Variants in DMD observed in about 807,000 individuals in gnomAD.
DMD encodes the protein mutant dystrophin.
DMD carries 63 observed loss-of-function variants against 330.1 expected under a neutral mutation model. The ratio of observed to expected loss-of-function variants is 0.19; its 90% CI spans 0.16 to 0.24. DMD has a LOEUF of 0.24. Among genes scored for constraint, DMD ranks in the 10% least tolerant of loss-of-function variants. DMD has a pLI of 1.00. For synonymous variants in DMD, 1,223 were observed against 959.8 expected (o/e 1.27, Z -5.07); for missense variants, 3,344 against 2,684.1 (o/e 1.25, Z -5.43).
intron 43 of DMD, among the ~76,000 whole-genome samples, chrX:32,271,721 C>T (rs2097365740): frequency 1.8e-5 from 2 of 112,310 alleles, no homozygotes; most frequent in South Asian, 7.3e-4. Flanking sequence ...CTATGAGAGA[C>T]TGTTCATGTA....
chrX:31,378,053 C>T (rs945928902), intron 60 of DMD, among the ~76,000 whole-genome samples: 1 of 111,460 alleles, frequency 9.0e-6, no homozygotes, highest in Non-Finnish European at 1.9e-5. Context: ...AAAACGGCCC[C>T]ACCCCTGTCT....
chrX:33,322,834 T>C (rs912930131), intron 1 of DMD, among the ~76,000 whole-genome samples: 6 of 111,930 alleles, frequency 5.4e-5, no homozygotes, highest in Non-Finnish European at 9.4e-5. Flanking sequence ...AATATGATAG[T>C]TGAATTCATA....
intron 41 of DMD, among the ~76,000 whole-genome samples, chrX:32,328,990 G>A (rs1418367728): frequency 9.0e-6 from 1 of 111,268 alleles, no homozygotes; most frequent in Non-Finnish European, 1.9e-5. Context: ...AACCAACTCT[G>A]AAACTGCAGG....
intron 60 of DMD, among the ~76,000 whole-genome samples, chrX:31,393,170 T>C (rs1254204867): frequency 1.8e-5 from 2 of 112,114 alleles, no homozygotes; most frequent in Admixed American, 9.4e-5. Context: ...GTAAATGATC[T>C]TAACTTGTTT....
At chrX:31,641,412 G>T (rs2079740604) in intron 54 of DMD, among the ~76,000 whole-genome samples, 1 of 104,218 alleles carries the variant, frequency 9.6e-6, no homozygotes, top group African/African-American at 3.5e-5. Flanking sequence ...CTGAGACAGA[G>T]AATTGCTTGA....
chrX:31,408,698 C>T (rs1202268206), intron 60 of DMD, among the ~76,000 whole-genome samples: 1 of 97,599 alleles, frequency 1.0e-5, no homozygotes, highest in Non-Finnish European at 2.0e-5. Context: ...TGCACCCGGC[C>T]TCTTTGAACT....
chrX:31,787,616 C>A (rs777151027), intron 50 of DMD, among the ~76,000 whole-genome samples: 153 of 111,549 alleles, frequency 1.4e-3, no homozygotes, highest in African/African-American at 4.9e-3. Flanking sequence ...ACAAATTCAA[C>A]TGCTGAAGTC....
chrX:32,539,871 G>A (rs540828308), intron 17 of DMD, among the ~76,000 whole-genome samples: 5 of 111,467 alleles, frequency 4.5e-5, no homozygotes, highest in Non-Finnish European at 9.4e-5. Context: ...GGAAATAGCC[G>A]AGAAAGCAAG....
At chrX:32,713,432 A>G (rs1268049655) in intron 7 of DMD, among the ~76,000 whole-genome samples, 2 of 110,953 alleles carry the variant, frequency 1.8e-5, no homozygotes, top group Non-Finnish European at 3.8e-5. Context: ...TTTCTCTATT[A>G]TTTCCCTGCT....
At chrX:32,851,337 C>G (rs766649255) in intron 2 of DMD, among the ~76,000 whole-genome samples, 2 of 112,056 alleles carry the variant, frequency 1.8e-5, no homozygotes, top group East Asian at 5.6e-4. Flanking sequence ...CACATATATA[C>G]TTAGACAAAA....
At chrX:32,816,935 A>T (rs2077810185) in intron 5 of DMD, among the ~76,000 whole-genome samples, 1 of 112,352 alleles carries the variant, frequency 8.9e-6, no homozygotes, top group African/African-American at 3.2e-5. Context: ...TCTAGCTTTC[A>T]ATGAACAAGC....
At chrX:32,355,200 A>G (rs2097794893) in intron 37 of DMD, among the ~76,000 whole-genome samples, 1 of 111,281 alleles carries the variant, frequency 9.0e-6, no homozygotes, top group Admixed American at 9.6e-5. Flanking sequence ...GTTTATACTA[A>G]CACATAGTAG....
At chrX:32,342,442 C>A (rs894891471) in intron 40 of DMD, among the ~76,000 whole-genome samples, 160 bp from the exon 41 acceptor site, 1 of 112,062 alleles carries the variant, frequency 8.9e-6, no homozygotes, top group African/African-American at 3.2e-5. Flanking sequence ...CATCCTCGCT[C>A]AATAACCCAA....
At chrX:32,364,130 A>G (rs949191777) in intron 36 of DMD, among the ~76,000 whole-genome samples, 36 of 112,124 alleles carry the variant, frequency 3.2e-4, no homozygotes, top group Non-Finnish European at 6.2e-4. Context: ...TCAGCTTTAC[A>G]TAAGCCCAAC....
At chrX:31,207,794 G>C (rs1266432435) in intron 65 of DMD, among the ~76,000 whole-genome samples, 1 of 111,025 alleles carries the variant, frequency 9.0e-6, no homozygotes, top group Non-Finnish European at 1.9e-5. Context: ...TATGCTGGAG[G>C]CTGCATATTA....
chrX:31,368,287 ACTT>A (rs773694806), intron 60 of DMD, among the ~76,000 whole-genome samples: 2 of 111,734 alleles, frequency 1.8e-5, no homozygotes, highest in Non-Finnish European at 3.8e-5. Context: ...TGATAGAAAA[ACTT>A]CTTGTTTCCT....
chrX:32,714,170 G>C (rs764807438), intron 7 of DMD, among the ~76,000 whole-genome samples: 1 of 111,639 alleles, frequency 9.0e-6, no homozygotes, highest in East Asian at 2.8e-4. Flanking sequence ...CTTGATTGAA[G>C]TAACTTCAGG....
At chrX:31,951,122 C>CATATATATATATATATATAT (rs767693982) in intron 45 of DMD, among the ~76,000 whole-genome samples, 1 of 65,373 alleles carries the variant, frequency 1.5e-5, no homozygotes, top group African/African-American at 6.9e-5. Flanking sequence ...TATATATATA[C>CATATATATATATATATATAT]ATATATATAT....
At chrX:32,341,881 T>G (rs1482967215) in intron 41 of DMD, among the ~76,000 whole-genome samples, 8 of 110,697 alleles carry the variant, frequency 7.2e-5, no homozygotes, top group Non-Finnish European at 1.1e-4. Context: ...TGATAAGGGG[T>G]TTTCCCTGTT....
Sources: allele counts gnomAD v4.1 joint callset (sites outside exome capture counted in the v4.1 genomes callset), GRCh38; gene constraint gnomAD v4.1.1; transcripts MANE v1.5; gene names NCBI Gene and HGNC (gene_info 2026-07-23, HGNC 2026-07-21).